The following CYP39A1 variants were observed in gnomAD, a reference collection of about 807,000 sequenced individuals.
The protein encoded by CYP39A1 is 24-hydroxycholesterol 7-alpha-hydroxylase.
A neutral mutation model predicts 58.1 loss-of-function variants in CYP39A1; 49 were observed. The ratio of observed to expected loss-of-function variants is 0.84; its 90% confidence interval spans 0.67 to 1.07. The LOEUF (loss-of-function observed/expected upper bound fraction) is 1.07, where lower values mean the gene tolerates loss of function less well. Among genes scored for constraint, CYP39A1 ranks in the 50% least tolerant of loss-of-function variants. CYP39A1 has a pLI of 0.00. For missense variants in CYP39A1, 531 were observed against 539.4 expected (o/e 0.98, Z 0.16); for synonymous variants, 209 against 187.6 (o/e 1.11, Z -0.93).
rs1775991677 is a variant in CYP39A1 at position 46,636,382 on chromosome 6, T to C, written c.732+7A>G. On this transcript the variant is annotated splice_region_variant and intron_variant, in intron 5 of 11. Transcript: ENST00000275016. ...ACATTAGCAAAAGAAAGGTAAGAAA[T>C]ACTTACCATGGAATTATCTTTTGCA... 1 of 1,560,844 alleles carries C rather than the reference T, an allele frequency of 6.4e-7. No individual in the cohort carries two copies. The highest frequency in any genetic ancestry group is 2.2e-5 in the East Asian group (1 of 44,454).
intron 8 of CYP39A1, among the ~76,000 whole-genome samples, chr6:46,591,394 G>A (rs1225810352): frequency 1.3e-5 from 2 of 151,976 alleles, no homozygotes; most frequent in African/African-American, 2.4e-5. Context: ...TTTAAAAAAT[G>A]AGACATTAAA....
chr6:46,579,854 A>G (rs1008928517), intron 10 of CYP39A1, among the ~76,000 whole-genome samples: 3 of 152,176 alleles, frequency 2.0e-5, no homozygotes, highest in Admixed American at 6.5e-5. Context: ...GAAATCAGAT[A>G]TGACACAAAC....
At chr6:46,620,656 T>C (rs1291227454) in intron 7 of CYP39A1, among the ~76,000 whole-genome samples, 5 of 145,960 alleles carry the variant, frequency 3.4e-5, no homozygotes, top group Non-Finnish European at 7.5e-5. Flanking sequence ...TGTACACCCA[T>C]CCTTGAGGCT....
rs1770286827 is a variant in CYP39A1, at chr6:46,549,610, CTA to C, written c.*754_*755del. ...TTGGCATACCGTTATATTTGTGTTT[CTA>C]TGCATTAGCAAAAATATGGTATCTG... On this transcript the variant is annotated 3_prime_UTR_variant, in exon 12 of 12. Transcript: ENST00000275016. 1 of 152,142 alleles carries C rather than the reference CTA, an allele frequency of 6.6e-6. No homozygotes were observed. The highest frequency in any genetic ancestry group is 6.6e-5 in the Admixed American group (1 of 15,260). The allele number at this position is 152,142 out of a possible 1,614,324, so 9.4% of individuals were successfully genotyped here. A position where few individuals can be genotyped will look rare whatever the true frequency, so the allele number is the denominator to read the frequency against.
At chr6:46,587,990 A>G in intron 9 of CYP39A1, 44 bp downstream of exon 9, 1 of 1,176,340 alleles carries the variant, frequency 8.5e-7, no homozygotes, top group Non-Finnish European at 1.2e-6. Flanking sequence ...AAATAAAAAG[A>G]AATTAAAATG....
intron 10 of CYP39A1, among the ~76,000 whole-genome samples, chr6:46,564,094 ATTTTGTATTTTTT>A (rs1771129764): frequency 9.1e-6 from 1 of 110,256 alleles, no homozygotes; most frequent in South Asian, 3.0e-4. Flanking sequence ...TTTGTTTTTT[ATTTTGTATTTTTT>A]TTATTTTATT....
chr6:46,574,581 T>TA (rs1445355147), intron 10 of CYP39A1, among the ~76,000 whole-genome samples: 2 of 152,124 alleles, frequency 1.3e-5, no homozygotes, highest in African/African-American at 4.8e-5. Context: ...ACATTAGAGA[T>TA]ACCTAACTTA....
chr6:46,602,333 T>C (rs2150533679), intron 7 of CYP39A1, among the ~76,000 whole-genome samples: 1 of 152,262 alleles, frequency 6.6e-6, no homozygotes, highest in South Asian at 2.1e-4. Context: ...ACCTGATATA[T>C]ACTAGAGAAG....
intron 10 of CYP39A1, among the ~76,000 whole-genome samples, chr6:46,585,320 G>T (rs912328443): frequency 7.3e-5 from 10 of 136,224 alleles, no homozygotes; most frequent in African/African-American, 2.8e-4. Context: ...AGTTGCTATT[G>T]GTATAGATAG....
chr6:46,609,297 G>A (rs1161932980), intron 7 of CYP39A1, among the ~76,000 whole-genome samples: 2 of 151,860 alleles, frequency 1.3e-5, no homozygotes, highest in Non-Finnish European at 1.5e-5. Flanking sequence ...CAGCTACTCG[G>A]GAGGCTGAGG....
chr6:46,553,847 C>T lies in CYP39A1; in HGVS notation c.1258G>A (p.Ala420Thr). ...ATACACATCTGAACCTCTAACAGAGCAAACCACCTGGAAGAAACGAATAAA... is the reference window on the plus strand; with the variant it reads ...ATACACATCTGAACCTCTAACAGAGTAAACCACCTGGAAGAAACGAATAAA... ...GKFQCPARWF[A>T]LLEVQMCIIL... Residue 420 changes from alanine to threonine, a missense_variant, in exon 11 of 12, where the codon GCT becomes ACT. Coordinates refer to ENST00000275016, the MANE Select transcript of CYP39A1 (RefSeq NM_016593.5). 1 of 1,596,784 alleles carries T rather than the reference C, an allele frequency of 6.3e-7. No homozygotes were observed. Among genetic ancestry groups the T allele is most frequent in the East Asian group, 2.2e-5 (1 of 44,618 alleles).
intron 7 of CYP39A1, among the ~76,000 whole-genome samples, chr6:46,617,674 C>G (rs1774694020): frequency 6.6e-6 from 1 of 152,126 alleles, no homozygotes; most frequent in Admixed American, 6.5e-5. Context: ...TCAACTCACA[C>G]CCCTACCACT....
intron 7 of CYP39A1, among the ~76,000 whole-genome samples, chr6:46,611,305 T>C (rs775358216): frequency 2.6e-5 from 4 of 152,226 alleles, no homozygotes; most frequent in East Asian, 1.9e-4. Flanking sequence ...CTGTTTCAGT[T>C]TGACATTCAT....
Position 46,631,221 on chromosome 6 carries a change from G to A in CYP39A1, c.733-151C>T, listed in dbSNP as rs1284384033. On this transcript the variant is annotated intron_variant, in intron 5 of 11. Transcript: ENST00000275016. ...GTTTGAGGCATGTGAAGGGATTTAT[G>A]TCCTTACTGTAGTATAGTAATTAGG... 39 of 647,066 alleles carry A rather than the reference G, an allele frequency of 6.0e-5. No individual in the cohort carries two copies. In the East Asian group the frequency reaches 1.0e-3, roughly 17 times the overall value. The allele number at this position is 647,066 out of a possible 1,614,324, so 40.1% of individuals were successfully genotyped here.
chr6:46,577,056 T>C (rs773392367), intron 10 of CYP39A1, among the ~76,000 whole-genome samples: 2 of 152,182 alleles, frequency 1.3e-5, no homozygotes, highest in Non-Finnish European at 2.9e-5. Flanking sequence ...TATAAAGGAA[T>C]TGCCATCAGG....
At chr6:46,587,948 AGTCC>A in intron 9 of CYP39A1, 82 bp downstream of exon 9, 1 of 730,594 alleles carries the variant, frequency 1.4e-6, no homozygotes, top group Non-Finnish European at 2.2e-6. Flanking sequence ...TTAATTATAT[AGTCC>A]TAATTAATTT....
chr6:46,616,372 C>T (rs1386280621), intron 7 of CYP39A1, among the ~76,000 whole-genome samples: 1 of 151,100 alleles, frequency 6.6e-6, no homozygotes, highest in Admixed American at 6.6e-5. Flanking sequence ...AATCCTCCCA[C>T]CTCAGCCTCC....
chr6:46,628,375 A>G (rs936605741), intron 6 of CYP39A1, among the ~76,000 whole-genome samples: 25 of 152,232 alleles, frequency 1.6e-4, no homozygotes, highest in Non-Finnish European at 3.2e-4. Flanking sequence ...TGGGGTAGCA[A>G]TTGCTACTGA....
At chr6:46,623,105 A>C (rs1224312367) in intron 7 of CYP39A1, among the ~76,000 whole-genome samples, 1 of 152,210 alleles carries the variant, frequency 6.6e-6, no homozygotes, top group Admixed American at 6.5e-5. Flanking sequence ...AGACAAGAGC[A>C]TAGAACAGAA....
Sources: gnomAD v4.1 joint callset for allele counts (sites outside exome capture counted in the v4.1 genomes callset) on GRCh38, gnomAD v4.1.1 for gene constraint, MANE v1.5 for transcripts, NCBI Gene and HGNC (gene_info 2026-07-23, HGNC 2026-07-21) for gene names.